The following SERINC5 variants were observed in gnomAD, a reference collection of about 807,000 sequenced individuals.
SERINC5 encodes chromosome 5 open reading frame 12.
In SERINC5, 41 loss-of-function variants were observed where a neutral mutation model predicts 63.1. That is an observed-to-expected ratio of 0.65 (90% CI 0.51 to 0.84). The LOEUF (loss-of-function observed/expected upper bound fraction) is 0.84, where lower values mean the gene tolerates loss of function less well. SERINC5 is among the 40% of genes least tolerant of loss of function. SERINC5 has a pLI of 0.00. For synonymous variants in SERINC5, 222 were observed against 215.2 expected (o/e 1.03, Z -0.28); for missense variants, 523 against 573.0 (o/e 0.91, Z 0.89).
rs372110753 is a variant in SERINC5 at position 80,158,900 on chromosome 5, T to C, written c.922A>G (p.Arg308Gly). The change falls in exon 8 of 12, where the codon AGA (arginine) becomes GGA (glycine). Residue 308 changes from arginine to glycine, a missense_variant. By Grantham distance (125) the Arg-to-Gly change is moderately radical. Coordinates refer to ENST00000507668, the MANE Select transcript of SERINC5 (RefSeq NM_001174072.3). ...CVPDFGQDLY[R>G]DENLVTILGT... Reference sequence around the variant, plus strand: ...AGTATAGTCACCAAGTTTTCATCTCTGTACAGGTCTTGACCAAAGTCAGGC... The same window carrying C: ...AGTATAGTCACCAAGTTTTCATCTCCGTACAGGTCTTGACCAAAGTCAGGC... 1.2e-6 allele frequency: 2 copies of C among 1,612,914 alleles called. No homozygotes were observed. The highest frequency in any genetic ancestry group is 1.3e-5 in the African/African-American group (1 of 74,940).
intron 2 of SERINC5, among the ~76,000 whole-genome samples, chr5:80,189,183 C>T (rs566474652): frequency 6.6e-6 from 1 of 152,222 alleles, no homozygotes; most frequent in South Asian, 2.1e-4. Flanking sequence ...CCAAACTCTC[C>T]ATAAGAAGGG....
Position 80,160,966 on chromosome 5 carries a change from A to G in SERINC5, c.860-2004T>C, listed in dbSNP as rs1359993770. ...TATGTGTATATATATATGTGTGTGT[A>G]TATATATGTATATATGTGTGTATAT... On this transcript the variant is annotated intron_variant, in intron 7 of 11. Transcript: ENST00000507668. Among the ~76,000 whole-genome samples the G allele has an allele frequency of 6.2e-5, 9 of 146,000 alleles. No homozygotes were observed. In the East Asian group the frequency reaches 1.4e-3, roughly 23 times the overall value.
intron 2 of SERINC5, among the ~76,000 whole-genome samples, chr5:80,201,162 G>A (rs1460979467): frequency 2.0e-5 from 3 of 152,160 alleles, no homozygotes; most frequent in Non-Finnish European, 4.4e-5. Flanking sequence ...TTTCAGCACA[G>A]GTTGGGGCAA....
chr5:80,237,178 A>G (rs1328414379), intron 1 of SERINC5, among the ~76,000 whole-genome samples: 2 of 152,210 alleles, frequency 1.3e-5, no homozygotes, highest in Non-Finnish European at 2.9e-5. Flanking sequence ...GGTCAGGTGC[A>G]TCCTTGGTAG....
Position 80,141,135 on chromosome 5 carries a change from C to G in SERINC5, c.*2528G>C. 2 of 985,386 alleles carry G rather than the reference C, an allele frequency of 2.0e-6. No individual in the cohort carries two copies. The highest frequency in any genetic ancestry group is 5.2e-4 in the Middle Eastern group (1 of 1,914). The allele number at this position is 985,386 out of a possible 1,614,324, so 61.0% of individuals were successfully genotyped here. On this transcript the variant is annotated 3_prime_UTR_variant, in exon 12 of 12. Transcript: ENST00000507668. Reference sequence around the variant, plus strand: ...CATTAACTCTGCATTGATAGTCCCTCAATCCTCAGATACATCCACATCTGT... The same window carrying G: ...CATTAACTCTGCATTGATAGTCCCTGAATCCTCAGATACATCCACATCTGT...
intron 9 of SERINC5, among the ~76,000 whole-genome samples, chr5:80,149,427 G>A (rs143894736): frequency 6.6e-6 from 1 of 152,276 alleles, no homozygotes; most frequent in Non-Finnish European, 1.5e-5. Context: ...ATCCAGGTCA[G>A]GTGCAAGAGA....
chr5:80,168,733 C>T (rs1350673724), intron 6 of SERINC5, among the ~76,000 whole-genome samples: 2 of 152,196 alleles, frequency 1.3e-5, no homozygotes, highest in African/African-American at 4.8e-5. Flanking sequence ...TTTATACTTC[C>T]TAAAGCACTT....
At chr5:80,217,390 C>G (rs1221404136) in intron 1 of SERINC5, among the ~76,000 whole-genome samples, 3 of 152,252 alleles carry the variant, frequency 2.0e-5, no homozygotes, top group South Asian at 2.1e-4. Flanking sequence ...ATCCCCAAAC[C>G]CTGCCAAGCC....
At chr5:80,205,347 C>T (rs186677689) in intron 1 of SERINC5, among the ~76,000 whole-genome samples, 1 of 152,204 alleles carries the variant, frequency 6.6e-6, no homozygotes, top group African/African-American at 2.4e-5. Flanking sequence ...CCTCGGACAA[C>T]ATGACCATCA....
intron 1 of SERINC5, among the ~76,000 whole-genome samples, chr5:80,241,693 C>A (rs1488953029): frequency 6.6e-6 from 1 of 151,304 alleles, no homozygotes; most frequent in African/African-American, 2.4e-5. Context: ...AGGGTGAGAA[C>A]CCATCGCTAA....
chr5:80,187,794 A>G (rs1455376042), intron 2 of SERINC5, among the ~76,000 whole-genome samples: 2 of 152,210 alleles, frequency 1.3e-5, no homozygotes, highest in Non-Finnish European at 2.9e-5. Context: ...CACCATGAAT[A>G]TTTTGTCAGA....
In SERINC5 at chr5:80,142,553, G is replaced by A. The variant is rs920320446; in HGVS notation, c.*1110C>T. On this transcript the variant is annotated 3_prime_UTR_variant, in exon 12 of 12. Transcript: ENST00000507668. ...GCCTAACAAGCTTCTTCTGGTCAGT[G>A]TGTCTGAGATCCTCACCTCAGAAAT... The A allele has an allele frequency of 1.0e-6, 1 of 985,280 alleles. No individual in the cohort carries two copies. The highest frequency in any genetic ancestry group is 1.2e-6 in the Non-Finnish European group (1 of 829,944). 61.0% of individuals were successfully genotyped at this position (985,280 alleles called of 1,614,324 possible).
chr5:80,210,798 C>T (rs1349417314), intron 1 of SERINC5, among the ~76,000 whole-genome samples: 1 of 152,204 alleles, frequency 6.6e-6, no homozygotes, highest in African/African-American at 2.4e-5. Context: ...AAGTGACCTG[C>T]CCTTCTGGGT....
At chr5:80,254,146 A>G (rs961953798) in intron 1 of SERINC5, among the ~76,000 whole-genome samples, 3 of 151,346 alleles carry the variant, frequency 2.0e-5, no homozygotes, top group African/African-American at 7.3e-5. Flanking sequence ...CTGGTCTCCA[A>G]CTCCTGATCT....
chr5:80,143,004 T>TG lies in SERINC5; in HGVS notation c.*658dup. 1.0e-6 allele frequency: 1 copy of TG among 985,420 alleles called. No homozygotes were observed. The highest frequency in any genetic ancestry group is 1.2e-6 in the Non-Finnish European group (1 of 829,946). 61.0% of individuals were successfully genotyped at this position (985,420 alleles called of 1,614,324 possible). A position where few individuals can be genotyped will look rare whatever the true frequency, so the allele number is the denominator to read the frequency against. On this transcript the variant is annotated 3_prime_UTR_variant, in exon 12 of 12. Coordinates refer to ENST00000507668, the MANE Select transcript of SERINC5 (RefSeq NM_001174072.3). ...GCTTTTTCACATTATTACAAAGATG[T>TG]GGGACCCAGAAAAGATGAGACCTCG...
At chr5:80,137,161 A>AAAC (rs1561356104), downstream of SERINC5, among the ~76,000 whole-genome samples, 4 of 62,560 alleles carry the variant, frequency 6.4e-5, no homozygotes, top group East Asian at 2.8e-4. Context: ...AAAAAAAAAA[A>AAAC]AACAAAAAAA....
At position 80,169,516 on chromosome 5, in the gene SERINC5, C is replaced by T; in HGVS notation, c.582G>A (p.Trp194Ter). ...GCGTCACCAGGGCCAGGGAGGCGTA[C>T]CACAGCTTGTTACTGGCTGTGCCTG... ...WTAGTASNKL[W>*]YASLALVTLI... The change falls in exon 6 of 12, where the codon TGG (tryptophan) becomes TGA (stop). Residue 194 changes from tryptophan to a stop codon, truncating the protein, a stop_gained. Coordinates refer to ENST00000507668, the MANE Select transcript of SERINC5 (RefSeq NM_001174072.3). LOFTEE classifies it high-confidence loss of function. 1 of 1,613,700 alleles carries T rather than the reference C, an allele frequency of 6.2e-7. No individual in the cohort carries two copies. Among genetic ancestry groups the T allele is most frequent in the Non-Finnish European group, 8.5e-7 (1 of 1,179,766 alleles).
At chr5:80,163,684 A>G (rs534305864) in intron 7 of SERINC5, among the ~76,000 whole-genome samples, 79 of 152,184 alleles carry the variant, frequency 5.2e-4, no homozygotes, top group Non-Finnish European at 9.6e-4. Context: ...ATTAATTTGC[A>G]TATGTTGAAC....
intron 6 of SERINC5, among the ~76,000 whole-genome samples, 172 bp downstream of exon 6, chr5:80,169,163 C>T (rs1747487688): frequency 1.3e-5 from 2 of 152,138 alleles, no homozygotes; most frequent in African/African-American, 4.8e-5. Flanking sequence ...ACAGCTCGAG[C>T]ATGAGATATG....
Sources: gnomAD v4.1 joint callset for allele counts (sites outside exome capture counted in the v4.1 genomes callset) on GRCh38, gnomAD v4.1.1 for gene constraint, MANE v1.5 for transcripts, NCBI Gene and HGNC (gene_info 2026-07-23, HGNC 2026-07-21) for gene names.